The following BTBD9 variants were observed in gnomAD, a reference collection of about 807,000 sequenced individuals.
BTBD9 encodes the protein BTB domain containing 9.
In BTBD9, 49 loss-of-function variants were observed where a neutral mutation model predicts 64.3. The ratio of observed to expected loss-of-function variants is 0.76; its 90% CI spans 0.61 to 0.97. The LOEUF is 0.97. Among genes scored for constraint, BTBD9 ranks in the 50% least tolerant of loss-of-function variants. The pLI is 0.00. For missense variants in BTBD9, 598 were observed against 762.1 expected (o/e 0.78, Z 2.53); for synonymous variants, 260 against 274.7 (o/e 0.95, Z 0.53).
intron 7 of BTBD9, among the ~76,000 whole-genome samples, chr6:38,326,213 C>A (rs1461421683): frequency 6.6e-6 from 1 of 152,104 alleles, no homozygotes; most frequent in Non-Finnish European, 1.5e-5. Flanking sequence ...CCAGAGCGAA[C>A]AGCAAGTGCA....
At chr6:38,189,893 C>G in intron 10 of BTBD9, among the ~76,000 whole-genome samples, 1 of 151,728 alleles carries the variant, frequency 6.6e-6, no homozygotes, top group East Asian at 1.9e-4. Context: ...AGGCTGGTCC[C>G]AAACTTCTGA....
chr6:38,206,073 A>G (rs1162950780), intron 9 of BTBD9, among the ~76,000 whole-genome samples: 1 of 151,872 alleles, frequency 6.6e-6, no homozygotes, highest in Non-Finnish European at 1.5e-5. Context: ...GGAACATCTC[A>G]AGGGAGAAAG....
At chr6:38,194,777 G>A (rs186656525) in intron 9 of BTBD9, among the ~76,000 whole-genome samples, 110 of 152,248 alleles carry the variant, frequency 7.2e-4, no homozygotes, top group Non-Finnish European at 1.4e-3. Context: ...TGCTCCTCTT[G>A]CCTCCACTCT....
intron 7 of BTBD9, among the ~76,000 whole-genome samples, chr6:38,344,160 A>G (rs1764199211): frequency 6.6e-6 from 1 of 152,176 alleles, no homozygotes; most frequent in African/African-American, 2.4e-5. Flanking sequence ...TGATCTAAGC[A>G]TGATCTTTGC....
At chr6:38,417,543 G>A (rs900778961) in intron 6 of BTBD9, among the ~76,000 whole-genome samples, 3 of 152,180 alleles carry the variant, frequency 2.0e-5, no homozygotes, top group African/African-American at 4.8e-5. Flanking sequence ...GGAGGCTGAG[G>A]CTAGTGGATC....
intron 6 of BTBD9, among the ~76,000 whole-genome samples, chr6:38,470,939 A>G (rs757152925): frequency 2.0e-5 from 3 of 152,232 alleles, no homozygotes; most frequent in Non-Finnish European, 4.4e-5. Context: ...CACTGAACGA[A>G]GTAGTAAATT....
intron 6 of BTBD9, among the ~76,000 whole-genome samples, chr6:38,363,855 A>G (rs1377274420): frequency 6.6e-6 from 1 of 152,188 alleles, no homozygotes; most frequent in Non-Finnish European, 1.5e-5. Context: ...CTTCTGGAAT[A>G]ATAATGCTAA....
intron 6 of BTBD9, among the ~76,000 whole-genome samples, chr6:38,360,487 A>G (rs1431061484): frequency 1.3e-5 from 2 of 152,206 alleles, no homozygotes; most frequent in African/African-American, 4.8e-5. Flanking sequence ...ATTACAATAC[A>G]TATTAGTACA....
At chr6:38,256,970 A>G (rs1214494516) in intron 8 of BTBD9, among the ~76,000 whole-genome samples, 1 of 151,986 alleles carries the variant, frequency 6.6e-6, no homozygotes, top group Non-Finnish European at 1.5e-5. Context: ...CACTTGTGTA[A>G]ACAGTGGAGG....
chr6:38,405,821 G>T (rs996255632), intron 6 of BTBD9, among the ~76,000 whole-genome samples: 1 of 152,148 alleles, frequency 6.6e-6, no homozygotes, highest in Non-Finnish European at 1.5e-5. Context: ...TCTAGTGTTG[G>T]TCTAAATATT....
At chr6:38,440,269 A>G (rs1582434582) in intron 6 of BTBD9, among the ~76,000 whole-genome samples, 1 of 152,200 alleles carries the variant, frequency 6.6e-6, no homozygotes, top group Admixed American at 6.5e-5. Context: ...AGGCTGGAGG[A>G]GAAGGAGGAA....
intron 2 of BTBD9, among the ~76,000 whole-genome samples, chr6:38,595,191 G>A (rs1388899482): frequency 1.3e-5 from 2 of 152,032 alleles, no homozygotes; most frequent in Non-Finnish European, 2.9e-5. Context: ...TGTCTACATC[G>A]GTATTTCTTT....
chr6:38,283,636 G>C (rs985038103), intron 8 of BTBD9, among the ~76,000 whole-genome samples: 1 of 152,156 alleles, frequency 6.6e-6, no homozygotes, highest in African/African-American at 2.4e-5. Context: ...TGCCTCTGTA[G>C]TCACCAAATA....
chr6:38,610,676 G>A (rs562970681), intron 1 of BTBD9, among the ~76,000 whole-genome samples: 28 of 152,258 alleles, frequency 1.8e-4, no homozygotes, highest in Admixed American at 1.4e-3. Flanking sequence ...TTGAAAAAGG[G>A]AAAGGGAGAT....
At chr6:38,468,348 G>A (rs1019477280) in intron 6 of BTBD9, among the ~76,000 whole-genome samples, 55 of 151,934 alleles carry the variant, frequency 3.6e-4, no homozygotes, top group African/African-American at 1.2e-3. Flanking sequence ...TACATACCTC[G>A]CACACACCTT....
Position 38,527,460 on chromosome 6 carries a change from C to G in BTBD9, c.1154+50140G>C, listed in dbSNP as rs1409162735. Among the ~76,000 whole-genome samples, 2 of 152,002 alleles carry G rather than the reference C, an allele frequency of 1.3e-5. 1 individual carries two copies. The highest frequency in any genetic ancestry group is 6.4e-3 in the Middle Eastern group (2 of 314). On this transcript the variant is annotated intron_variant, in intron 6 of 10. Transcript: ENST00000481247. ...GATCACAGGGGCAGTATCCCCCATG[C>G]TGTTCTCATGATAGTGAGTGAGTTC...
At chr6:38,587,411 A>C in intron 4 of BTBD9, 1 of 515,856 alleles carries the variant, frequency 1.9e-6, no homozygotes, top group Non-Finnish European at 3.8e-6. Context: ...CATAATGAAG[A>C]TATTAATATT....
At chr6:38,375,947 G>A (rs1765676623) in intron 6 of BTBD9, among the ~76,000 whole-genome samples, 1 of 81,490 alleles carries the variant, frequency 1.2e-5, no homozygotes, top group South Asian at 6.5e-4. Context: ...AAGAAGGAAA[G>A]AAGGAAAGAA....
intron 6 of BTBD9, among the ~76,000 whole-genome samples, chr6:38,498,550 G>A (rs1323922278): frequency 6.6e-6 from 1 of 151,244 alleles, no homozygotes; most frequent in Non-Finnish European, 1.5e-5. Context: ...GAAGTGTCCT[G>A]TATCCCTTCC....
Sources: allele counts gnomAD v4.1 joint callset (sites outside exome capture counted in the v4.1 genomes callset), GRCh38; gene constraint gnomAD v4.1.1; transcripts MANE v1.5; gene names NCBI Gene and HGNC (gene_info 2026-07-23, HGNC 2026-07-21).